Variants in CNTNAP3 observed in about 807,000 individuals in gnomAD.
The protein encoded by CNTNAP3 is contactin-associated protein-like 3.
A neutral mutation model predicts 92.1 loss-of-function variants in CNTNAP3; 36 were observed. That is an observed-to-expected ratio of 0.39 (90% CI 0.30 to 0.52). The LOEUF (loss-of-function observed/expected upper bound fraction) is 0.52, where lower values mean the gene tolerates loss of function less well. Ranked by LOEUF, CNTNAP3 falls within the 20% of genes least tolerant of loss-of-function variation. CNTNAP3 has a pLI of 0.76. For synonymous variants in CNTNAP3, 232 were observed against 422.3 expected (o/e 0.55, Z 5.53); for missense variants, 534 against 1,069.6 (o/e 0.50, Z 6.98).
intron 9 of CNTNAP3, chr9:39,159,214 T>C (rs1822022551): frequency 6.7e-6 from 1 of 150,172 alleles, no homozygotes; most frequent in African/African-American, 2.4e-5. Context: ...CCCATTTCTG[T>C]CGCTGTGTCC....
Position 39,069,916 on chromosome 9 carries a change from T to C in CNTNAP3, c.*3974A>G, listed in dbSNP as rs1825604122. Among the ~76,000 whole-genome samples the C allele has an allele frequency of 6.6e-6, 1 of 152,122 alleles. No homozygotes were observed. The highest frequency in any genetic ancestry group is 2.4e-5 in the African/African-American group (1 of 41,452). ...GAATTCAATTTTTTAATTAAAAAAT[T>C]GGTTCTCTCTTTACACATAATTGCC... is the stretch of plus-strand genomic sequence containing the variant. On this transcript the variant is annotated 3_prime_UTR_variant, in exon 24 of 24. Coordinates refer to ENST00000297668, the MANE Select transcript of CNTNAP3 (RefSeq NM_033655.5).
At chr9:39,121,571 T>C (rs1330416768) in intron 13 of CNTNAP3, among the ~76,000 whole-genome samples, 1 of 152,148 alleles carries the variant, frequency 6.6e-6, no homozygotes, top group Admixed American at 6.5e-5. Flanking sequence ...GCATCACAGC[T>C]AATGGAGCCA....
At chr9:39,180,375 CA>C (rs1243805487) in intron 4 of CNTNAP3, among the ~76,000 whole-genome samples, 2 of 53,956 alleles carry the variant, frequency 3.7e-5, no homozygotes, top group Non-Finnish European at 7.9e-5. Flanking sequence ...TATTACTCTC[CA>C]ACAGCAGTAT....
At chr9:39,133,243 A>G in intron 12 of CNTNAP3, 108 bp from the exon 13 acceptor site, 2 of 1,355,644 alleles carry the variant, frequency 1.5e-6, no homozygotes, top group Admixed American at 2.0e-5. Flanking sequence ...TGAAATTTAC[A>G]TTACTGCATG....
At chr9:39,121,420 G>T (rs1462427125) in intron 13 of CNTNAP3, among the ~76,000 whole-genome samples, 1 of 152,030 alleles carries the variant, frequency 6.6e-6, no homozygotes, top group East Asian at 1.9e-4. Context: ...AATCTGATAT[G>T]ACGTTAAGAG....
At chr9:39,082,002 G>A (rs1825952168) in intron 21 of CNTNAP3, among the ~76,000 whole-genome samples, 1 of 151,220 alleles carries the variant, frequency 6.6e-6, no homozygotes, top group African/African-American at 2.4e-5. Flanking sequence ...CAGGAGAATG[G>A]CGTGAACCCG....
In CNTNAP3 at chr9:39,103,732, T is replaced by G. The variant is rs192525454; in HGVS notation, c.2536+12A>C. ...TGGGTACCCTGTGACTTGTCCAGAG[T>G]GGCGAGCTTACCACGCAGCTCAATC... is the stretch of plus-strand genomic sequence containing the variant. On this transcript the variant is annotated intron_variant, in intron 16 of 23. Transcript: ENST00000297668. The G allele has an allele frequency of 2.5e-6, 4 of 1,609,280 alleles. No homozygotes were observed. The African/African-American group carries it at 5.4e-5, about 22-fold the overall frequency.
chr9:39,108,669 A>G (rs2778213), intron 15 of CNTNAP3, among the ~76,000 whole-genome samples: 5 of 152,128 alleles, frequency 3.3e-5, no homozygotes, highest in Non-Finnish European at 7.4e-5. Context: ...ACTGAGGTGG[A>G]GGAGCGAGGA....
Position 39,134,042 on chromosome 9 carries a change from A to G in CNTNAP3, c.1877-907T>C, listed in dbSNP as rs547655169. Among the ~76,000 whole-genome samples, 10 of 152,328 alleles carry G rather than the reference A, an allele frequency of 6.6e-5. No individual in the cohort carries two copies. In the South Asian group the frequency reaches 2.1e-3, roughly 32 times the overall value. On this transcript the variant is annotated intron_variant, in intron 12 of 23. Coordinates refer to ENST00000297668, the MANE Select transcript of CNTNAP3 (RefSeq NM_033655.5). ...ACAATGTGATACATTTTACCTTGAGAAATCACCCTGCCAGCCCTTCACATC... is the reference window on the plus strand; with the variant it reads ...ACAATGTGATACATTTTACCTTGAGGAATCACCCTGCCAGCCCTTCACATC...
At chr9:39,089,414 T>C (rs537710745) in intron 18 of CNTNAP3, among the ~76,000 whole-genome samples, 1 of 152,356 alleles carries the variant, frequency 6.6e-6, no homozygotes, top group Non-Finnish European at 1.5e-5. Context: ...TAATATTTCA[T>C]TGGATGTAAA....
chr9:39,078,023 C>G (rs546337435), intron 23 of CNTNAP3, among the ~76,000 whole-genome samples: 16 of 152,206 alleles, frequency 1.1e-4, no homozygotes, highest in Non-Finnish European at 4.4e-5. Flanking sequence ...ACGGCCAATA[C>G]GGAGAAACCC....
rs1299924323 is a variant in CNTNAP3 at position 39,066,935 on chromosome 9, A to T, written c.*6955T>A. Among the ~76,000 whole-genome samples the T allele has an allele frequency of 7.9e-4, 120 of 152,066 alleles. No individual in the cohort carries two copies. Among genetic ancestry groups the T allele is most frequent in the African/African-American group, 2.7e-3 (114 of 41,472 alleles). On this transcript the variant is annotated 3_prime_UTR_variant, in exon 24 of 24. Transcript: ENST00000297668. ...TGCTTATGTATTAATTTTTAAAAAT[A>T]TTTTTTTCTATCCATCCACTCTCTT...
intron 12 of CNTNAP3, among the ~76,000 whole-genome samples, chr9:39,133,955 T>C (rs1478666562): frequency 1.3e-4 from 20 of 152,188 alleles, no homozygotes. Flanking sequence ...ACATAAAAAT[T>C]TTCCGAACTG....
intron 18 of CNTNAP3, among the ~76,000 whole-genome samples, chr9:39,094,762 TGAAGTCAA>T (rs1334320813): frequency 1.3e-5 from 2 of 151,662 alleles, no homozygotes; most frequent in Non-Finnish European, 3.0e-5. Context: ...TAGTAAGTTT[TGAAGTCAA>T]GAAGGGTGAA....
chr9:39,105,194 A>C (rs1002140831), intron 15 of CNTNAP3, among the ~76,000 whole-genome samples: 2 of 152,140 alleles, frequency 1.3e-5, no homozygotes, highest in Non-Finnish European at 2.9e-5. Flanking sequence ...TTGGGAGGCC[A>C]AGGCGGGCGG....
At chr9:39,122,180 C>A (rs1462678563) in intron 13 of CNTNAP3, among the ~76,000 whole-genome samples, 1 of 152,112 alleles carries the variant, frequency 6.6e-6, no homozygotes, top group East Asian at 1.9e-4. Flanking sequence ...TGGTGAAACC[C>A]CGTATCTACT....
chr9:39,091,455 T>C (rs1476250760), intron 18 of CNTNAP3, among the ~76,000 whole-genome samples: 1 of 152,142 alleles, frequency 6.6e-6, no homozygotes, highest in Non-Finnish European at 1.5e-5. Flanking sequence ...GTAGAGACTA[T>C]CATGTGTTTC....
intron 13 of CNTNAP3, among the ~76,000 whole-genome samples, chr9:39,131,596 C>T (rs1821294968): frequency 6.6e-6 from 1 of 151,858 alleles, no homozygotes; most frequent in African/African-American, 2.4e-5. Flanking sequence ...GAGGCTGAGG[C>T]GGGCGGATCA....
intron 12 of CNTNAP3, among the ~76,000 whole-genome samples, chr9:39,138,640 G>A (rs1298129668): frequency 6.6e-6 from 1 of 152,180 alleles, no homozygotes; most frequent in African/African-American, 2.4e-5. Context: ...TGAGAACCTG[G>A]TCAAGCTAGG....
Sources: gnomAD v4.1 joint callset for allele counts (sites outside exome capture counted in the v4.1 genomes callset) on GRCh38, gnomAD v4.1.1 for gene constraint, MANE v1.5 for transcripts, NCBI Gene and HGNC (gene_info 2026-07-23, HGNC 2026-07-21) for gene names.